Variants in GPR158 observed in about 807,000 individuals in gnomAD.
GPR158 encodes metabotropic glycine receptor.
GPR158 carries 30 observed loss-of-function variants against 78.2 expected under a neutral mutation model. The ratio of observed to expected loss-of-function variants is 0.38; its 90% CI spans 0.29 to 0.52. The LOEUF (loss-of-function observed/expected upper bound fraction) is 0.52, where lower values mean the gene tolerates loss of function less well. Ranked by LOEUF, GPR158 falls within the 20% of genes least tolerant of loss-of-function variation. GPR158 has a pLI of 0.83. For synonymous variants in GPR158, 581 were observed against 591.1 expected, an observed-to-expected ratio of 0.98 and a Z score of 0.25; for missense variants, 1,463 against 1,523.5, an observed-to-expected ratio of 0.96 and a Z score of 0.66.
chr10:25,198,605 C>G (rs1188334636), intron 1 of GPR158, among the ~76,000 whole-genome samples: 1 of 152,118 alleles, frequency 6.6e-6, no homozygotes, highest in Non-Finnish European at 1.5e-5. Flanking sequence ...GCTACAAATG[C>G]CTCTTAAATT....
chr10:25,363,675 G>A (rs1236460516), intron 2 of GPR158, among the ~76,000 whole-genome samples: 1 of 151,866 alleles, frequency 6.6e-6, no homozygotes, highest in African/African-American at 2.4e-5. Flanking sequence ...ATCCTTTCAT[G>A]GGGTGATGCC....
At chr10:25,209,015 AT>A (rs1403471105) in intron 1 of GPR158, among the ~76,000 whole-genome samples, 4 of 151,456 alleles carry the variant, frequency 2.6e-5, no homozygotes, top group Admixed American at 6.6e-5. Flanking sequence ...CACCCGGCTA[AT>A]TTTTTTGTTT....
chr10:25,281,167 A>G (rs1588772950), intron 2 of GPR158, among the ~76,000 whole-genome samples: 3 of 151,716 alleles, frequency 2.0e-5, no homozygotes, highest in Admixed American at 2.0e-4. Context: ...TCATCAGTTA[A>G]TACAAAAAAG....
chr10:25,523,342 T>C (rs1219970388), intron 5 of GPR158, among the ~76,000 whole-genome samples: 1 of 152,174 alleles, frequency 6.6e-6, no homozygotes, highest in Non-Finnish European at 1.5e-5. Flanking sequence ...CTTGGATGGC[T>C]TGGATGGAGA....
intron 7 of GPR158, 65 bp from the exon 8 acceptor site, chr10:25,588,942 A>G (rs963468917): frequency 4.3e-6 from 5 of 1,161,638 alleles, no homozygotes; most frequent in African/African-American, 3.0e-5. Flanking sequence ...AACAAAATGC[A>G]TGCTAAAGAA....
intron 4 of GPR158, among the ~76,000 whole-genome samples, chr10:25,455,748 TTAA>T (rs776742767): frequency 3.9e-4 from 60 of 152,172 alleles, no homozygotes; most frequent in Non-Finnish European, 7.2e-4. Flanking sequence ...TTGCAACATA[TTAA>T]TAATTCGCTG....
Position 25,214,589 on chromosome 10 carries a change from T to G in GPR158, c.903-6463T>G, listed in dbSNP as rs533935933. ...ATATAAATCAGGATACCATATATTA[T>G]GGTATGAATTGTGTTCTCCAAAATT... On this transcript the variant is annotated intron_variant, in intron 1 of 10. Transcript: ENST00000376351. Among the ~76,000 whole-genome samples the G allele has an allele frequency of 2.0e-5, 3 of 152,186 alleles. No homozygotes were observed. In the South Asian group the frequency reaches 6.2e-4, roughly 32 times the overall value.
rs1186638026 is a variant in GPR158 at position 25,176,145 on chromosome 10, G to C, written c.725G>C (p.Gly242Ala). ...PHLHRRGPNQGPRGLGHSWRR... is the reference protein window; with the variant it reads ...PHLHRRGPNQAPRGLGHSWRR... ...TTACACCGCCGCGGCCCCAATCAGG[G>C]GCCCCGGGGCCTGGGCCACAGCTGG... The change falls in exon 1 of 11, where the codon GGG becomes GCG. Residue 242 changes from glycine to alanine, a missense_variant. Coordinates refer to ENST00000376351, the MANE Select transcript of GPR158 (RefSeq NM_020752.3). This position sits in a 1 kb window ranked among gnomAD's most constrained non-coding sequence, Gnocchi z 6.3. The C allele has an allele frequency of 6.4e-7, 1 of 1,571,710 alleles. No individual in the cohort carries two copies. Among genetic ancestry groups the C allele is most frequent in the Non-Finnish European group, 8.6e-7 (1 of 1,160,022 alleles).
At chr10:25,541,699 A>G (rs1464508733) in intron 5 of GPR158, among the ~76,000 whole-genome samples, 1 of 151,844 alleles carries the variant, frequency 6.6e-6, no homozygotes, top group African/African-American at 2.4e-5. Flanking sequence ...GGCTCTGGCT[A>G]ATGACTCATT....
Position 25,460,605 on chromosome 10 carries a change from A to T in GPR158, c.1336-6046A>T, listed in dbSNP as rs150849897. On this transcript the variant is annotated intron_variant, in intron 4 of 10. Coordinates refer to ENST00000376351, the MANE Select transcript of GPR158 (RefSeq NM_020752.3). ...CTACCTCTCCTTCAAAGATATTAAC[A>T]TATTTCCAGATAAGTTGATCTATCC... 2.6e-5 allele frequency among the ~76,000 whole-genome samples: 4 copies of T among 152,352 alleles called. No individual in the cohort carries two copies. In the East Asian group the frequency reaches 5.8e-4, roughly 22 times the overall value.
chr10:25,484,704 C>G (rs887471919), intron 5 of GPR158, among the ~76,000 whole-genome samples: 1 of 152,154 alleles, frequency 6.6e-6, no homozygotes, highest in African/African-American at 2.4e-5. Context: ...TTCTAATTCT[C>G]TTTCTATAGT....
chr10:25,597,755 T>G lies in GPR158; in HGVS notation c.2146-17T>G. ...ACTAAATTCTACACTTCTTTGAATTTGCTTTTGTTCTGGCAGGACGAGCTG... is the reference window on the plus strand; with the variant it reads ...ACTAAATTCTACACTTCTTTGAATTGGCTTTTGTTCTGGCAGGACGAGCTG... On this transcript the variant is annotated splice_polypyrimidine_tract_variant and intron_variant, in intron 10 of 10. Transcript: ENST00000376351. The G allele has an allele frequency of 1.3e-6, 2 of 1,490,674 alleles. No homozygotes were observed. The highest frequency in any genetic ancestry group is 1.8e-6 in the Non-Finnish European group (2 of 1,119,938). The allele number at this position is 1,490,674 out of a possible 1,614,324, so 92.3% of individuals were successfully genotyped here. A position where few individuals can be genotyped will look rare whatever the true frequency, so the allele number is the denominator to read the frequency against.
intron 7 of GPR158, among the ~76,000 whole-genome samples, chr10:25,574,514 C>A (rs1203072042): frequency 6.6e-6 from 1 of 152,116 alleles, no homozygotes; most frequent in Admixed American, 6.6e-5. Flanking sequence ...ACTCAGGAAC[C>A]TTTTATAAAG....
At chr10:25,565,497 A>T in intron 6 of GPR158, among the ~76,000 whole-genome samples, 1 of 152,206 alleles carries the variant, frequency 6.6e-6, no homozygotes, top group Non-Finnish European at 1.5e-5. Context: ...GGCATGTTTG[A>T]AAGGCAGATT....
At chr10:25,187,865 A>AT (rs1852710130) in intron 1 of GPR158, among the ~76,000 whole-genome samples, 1 of 152,216 alleles carries the variant, frequency 6.6e-6, no homozygotes. Context: ...AGATGACATG[A>AT]TTGTATATCC....
chr10:25,545,941 A>C (rs1836656463), intron 5 of GPR158, among the ~76,000 whole-genome samples: 1 of 152,162 alleles, frequency 6.6e-6, no homozygotes, highest in Non-Finnish European at 1.5e-5. Context: ...TGAATTACAG[A>C]AAGAATTATT....
chr10:25,274,848 TTCA>T (rs774760808), intron 2 of GPR158, among the ~76,000 whole-genome samples: 1 of 152,210 alleles, frequency 6.6e-6, no homozygotes, highest in Non-Finnish European at 1.5e-5. Context: ...TAAATTTCTC[TTCA>T]TCATCAGTAT....
intron 5 of GPR158, among the ~76,000 whole-genome samples, chr10:25,484,603 A>G (rs935975633): frequency 2.0e-5 from 3 of 152,332 alleles, no homozygotes; most frequent in East Asian, 3.9e-4. Context: ...GAGTCGAAAG[A>G]TAAGAAATGT....
At chr10:25,552,432 C>T (rs902485372) in intron 6 of GPR158, among the ~76,000 whole-genome samples, 3 of 152,128 alleles carry the variant, frequency 2.0e-5, no homozygotes, top group African/African-American at 7.2e-5. Flanking sequence ...TTCTAGAAAC[C>T]CTGAAAGAGT....
Sources: allele counts gnomAD v4.1 joint callset (sites outside exome capture counted in the v4.1 genomes callset), GRCh38; gene constraint gnomAD v4.1.1; non-coding constraint Gnocchi (gnomAD v3.1); transcripts MANE v1.5; gene names NCBI Gene and HGNC (gene_info 2026-07-23, HGNC 2026-07-21).